The following RPAP2 variants were observed in gnomAD, a reference collection of about 807,000 sequenced individuals.
The protein encoded by RPAP2 is putative RNA polymerase II subunit B1 CTD phosphatase RPAP2.
RPAP2 carries 52 observed loss-of-function variants against 73.1 expected under a neutral mutation model. The ratio of observed to expected loss-of-function variants is 0.71; its 90% CI spans 0.57 to 0.90. The LOEUF (loss-of-function observed/expected upper bound fraction) is 0.90. RPAP2 is among the 40% of genes least tolerant of loss of function. The probability of loss-of-function intolerance (pLI) is 0.00; values close to 1 mark genes in which losing one functional copy is unlikely to be tolerated. For synonymous variants in RPAP2, 225 were observed against 242.1 expected (o/e 0.93, Z 0.65); for missense variants, 598 against 701.8 (o/e 0.85, Z 1.67).
At chr1:92,350,295 T>C (rs1654130966) in intron 11 of RPAP2, among the ~76,000 whole-genome samples, 1 of 152,180 alleles carries the variant, frequency 6.6e-6, no homozygotes, top group South Asian at 2.1e-4. Flanking sequence ...TTATTCTTAT[T>C]TAATAAATGT....
intron 8 of RPAP2, 110 bp from the exon 9 acceptor site, chr1:92,333,281 T>A (rs895856937): frequency 9.0e-6 from 7 of 775,076 alleles, no homozygotes; most frequent in Non-Finnish European, 1.5e-5. Context: ...GTTATTTTCC[T>A]ACTGTGCCAC....
At chr1:92,340,754 G>A (rs1653550252) in intron 10 of RPAP2, among the ~76,000 whole-genome samples, 1 of 152,170 alleles carries the variant, frequency 6.6e-6, no homozygotes, top group South Asian at 2.1e-4. Flanking sequence ...AGTGAATAGA[G>A]CTGTCTTTTC....
chr1:92,301,485 A>T lies in RPAP2; in HGVS notation c.129A>T (p.Glu43Asp), dbSNP rs756359718. The change falls in exon 3 of 13, where the codon GAA becomes GAT. Residue 43 changes from glutamate (E) to aspartate (D), a missense_variant. Glu to Asp is a conservative substitution (Grantham distance 45, BLOSUM62 2). Coordinates refer to ENST00000610020, the MANE Select transcript of RPAP2 (RefSeq NM_024813.3). ...CTCTTTCAAATTTTAGGAAAGCTGA[A>T]CTAGAAGCAGCTGTGAGAAAGAAGA... is the stretch of plus-strand genomic sequence containing the variant. Reference protein sequence around the residue: ...KQEDASKRKAELEAAVRKKIE... With the variant: ...KQEDASKRKADLEAAVRKKIE... 2.5e-6 allele frequency: 4 copies of T among 1,574,842 alleles called. No individual in the cohort carries two copies. The African/African-American group carries it at 5.5e-5, about 22-fold the overall frequency.
chr1:92,386,385 CCTGA>C (rs1217415915), intron 12 of RPAP2, among the ~76,000 whole-genome samples: 5 of 152,150 alleles, frequency 3.3e-5, no homozygotes, highest in South Asian at 2.1e-4. Context: ...TGAACTTCAT[CCTGA>C]CTGAGGACAG....
intron 10 of RPAP2, among the ~76,000 whole-genome samples, chr1:92,338,648 A>ATTT (rs11455274): frequency 7.0e-6 from 1 of 142,688 alleles, no homozygotes; most frequent in Non-Finnish European, 1.5e-5. Context: ...CTGATCATTG[A>ATTT]TTTTTTTTTT....
chr1:92,338,255 C>CA (rs1157953154), intron 10 of RPAP2, among the ~76,000 whole-genome samples: 1 of 152,136 alleles, frequency 6.6e-6, no homozygotes, highest in Admixed American at 6.5e-5. Context: ...CATTAGGTGT[C>CA]ATGAAAACTA....
chr1:92,326,968 G>C (rs564853854), intron 8 of RPAP2, among the ~76,000 whole-genome samples: 13 of 152,324 alleles, frequency 8.5e-5, no homozygotes, highest in African/African-American at 3.1e-4. Flanking sequence ...TTCTGGCCAG[G>C]AGACTTCCTG....
chr1:92,303,212 G>T (rs1650984523), intron 3 of RPAP2, among the ~76,000 whole-genome samples: 1 of 152,102 alleles, frequency 6.6e-6, no homozygotes. Context: ...ATATGAACAT[G>T]ACAATTCATA....
Position 92,299,124 on chromosome 1 carries a change from C to T in RPAP2, c.51C>T (p.Pro17=). 1.3e-6 allele frequency: 2 copies of T among 1,521,686 alleles called. No homozygotes were observed. Among genetic ancestry groups the T allele is most frequent in the African/African-American group, 2.8e-5 (2 of 71,576 alleles). 94.3% of individuals were successfully genotyped at this position (1,521,686 alleles called of 1,614,324 possible). The change falls in exon 1 of 13, where the codon CCC becomes CCT. Residue 17 remains proline, a synonymous_variant. Coordinates refer to ENST00000610020, the MANE Select transcript of RPAP2 (RefSeq NM_024813.3). The part of the protein sequence containing the change: ...PSSAGRKAGA[P]RCSRKAAGTK... Reference sequence around the variant, plus strand: ...CTGCCGGCCGCAAGGCCGGGGCTCCCCGCTGCTCTCGAAAAGCCGCAGGTA... The same window carrying T: ...CTGCCGGCCGCAAGGCCGGGGCTCCTCGCTGCTCTCGAAAAGCCGCAGGTA...
In RPAP2 at chr1:92,365,064, T is replaced by C. The variant is rs1228659200; in HGVS notation, c.1689-15660T>C. On this transcript the variant is annotated intron_variant, in intron 11 of 12. Transcript: ENST00000610020. Reference sequence around the variant, plus strand: ...GACTTGACCTATGCTTGAAACTTATTTTCTTTTCATATCTGCCTATTCTAG... The same window carrying C: ...GACTTGACCTATGCTTGAAACTTATCTTCTTTTCATATCTGCCTATTCTAG... Among the ~76,000 whole-genome samples, 3 of 152,224 alleles carry C rather than the reference T, an allele frequency of 2.0e-5. No individual in the cohort carries two copies. The East Asian group carries it at 5.8e-4, about 29-fold the overall frequency.
chr1:92,351,736 A>T (rs535830797), intron 11 of RPAP2, among the ~76,000 whole-genome samples: 43 of 152,300 alleles, frequency 2.8e-4, no homozygotes, highest in Non-Finnish European at 5.1e-4. Context: ...ATAGAAGGCT[A>T]TCGAGAAGCA....
At chr1:92,319,278 GTTA>G (rs1395971027) in intron 6 of RPAP2, among the ~76,000 whole-genome samples, 5 of 152,110 alleles carry the variant, frequency 3.3e-5, no homozygotes, top group Non-Finnish European at 7.4e-5. Context: ...TAACAGTGTA[GTTA>G]TTATGAGCTT....
At position 92,363,913 on chromosome 1, in the gene RPAP2, G is replaced by A. The variant is rs149634006; in HGVS notation, c.1689-16811G>A. 2.8e-3 allele frequency: 453 copies of A among 164,082 alleles called. 1 individual carries two copies. Among genetic ancestry groups the A allele is most frequent in the African/African-American group, 8.2e-3 (341 of 41,496 alleles). 10.2% of individuals were successfully genotyped at this position (164,082 alleles called of 1,614,324 possible). ...ATATAACATAAAATATGTGTTAATCGACTGCTTATGTTGTCTCTAAGGCTT... is the reference window on the plus strand; with the variant it reads ...ATATAACATAAAATATGTGTTAATCAACTGCTTATGTTGTCTCTAAGGCTT... On this transcript the variant is annotated intron_variant, in intron 11 of 12. Transcript: ENST00000610020.
At chr1:92,322,713 A>G (rs550514552) in intron 7 of RPAP2, among the ~76,000 whole-genome samples, 1 of 150,536 alleles carries the variant, frequency 6.6e-6, no homozygotes, top group South Asian at 2.1e-4. Context: ...CATCTCTACT[A>G]AAAAAATACA....
chr1:92,301,824 T>C (rs1347533181), intron 3 of RPAP2, among the ~76,000 whole-genome samples: 2 of 152,220 alleles, frequency 1.3e-5, no homozygotes, highest in African/African-American at 4.8e-5. Flanking sequence ...TGACACGTAA[T>C]GTATATTTCA....
intron 11 of RPAP2, among the ~76,000 whole-genome samples, chr1:92,360,662 C>T (rs1654688725): frequency 6.6e-6 from 1 of 152,172 alleles, no homozygotes. Flanking sequence ...CTTTCACCCA[C>T]TTTCCTACAT....
At chr1:92,353,729 A>T (rs1257018046) in intron 11 of RPAP2, among the ~76,000 whole-genome samples, 1 of 152,162 alleles carries the variant, frequency 6.6e-6, no homozygotes, top group African/African-American at 2.4e-5. Context: ...TTTACTGAGG[A>T]TTAAGCAATA....
intron 6 of RPAP2, among the ~76,000 whole-genome samples, chr1:92,318,895 T>C (rs763933462): frequency 4.6e-5 from 7 of 152,140 alleles, no homozygotes; most frequent in Non-Finnish European, 1.0e-4. Context: ...AGCTGATAAC[T>C]GAGTAGGAAA....
rs1653599103 is a variant in RPAP2 at position 92,341,642 on chromosome 1, A to G, written c.1620-4204A>G. On this transcript the variant is annotated intron_variant, in intron 10 of 12. Transcript: ENST00000610020. ...CTCAACTCTAGGAGATTTGAGTATA[A>G]TAGAAAAGGAAATACTTTTTTGAGT... Among the ~76,000 whole-genome samples the G allele has an allele frequency of 2.0e-5, 3 of 152,314 alleles. No homozygotes were observed. In the South Asian group the frequency reaches 6.2e-4, roughly 32 times the overall value.
Sources: allele counts gnomAD v4.1 joint callset (sites outside exome capture counted in the v4.1 genomes callset), GRCh38; gene constraint gnomAD v4.1.1; transcripts MANE v1.5; gene names NCBI Gene and HGNC (gene_info 2026-07-23, HGNC 2026-07-21).